MAST2: variants seen among roughly 807,000 people sequenced by gnomAD.
The protein encoded by MAST2 is microtubule-associated serine/threonine-protein kinase 2.
In MAST2, 70 loss-of-function variants were observed where a neutral mutation model predicts 147.4. The observed-to-expected ratio is 0.47, with a 90% CI of 0.39 to 0.58. The LOEUF (loss-of-function observed/expected upper bound fraction) is 0.58, where lower values mean the gene tolerates loss of function less well. Among genes scored for constraint, MAST2 ranks in the 20% least tolerant of loss-of-function variants. The probability of loss-of-function intolerance (pLI) is 0.00; values close to 1 mark genes in which losing one functional copy is unlikely to be tolerated. For synonymous variants in MAST2, 869 were observed against 896.8 expected (o/e 0.97, Z 0.55); for missense variants, 2,080 against 2,302.3 (o/e 0.90, Z 1.98).
At chr1:45,997,839 G>C in intron 6 of MAST2, 40 bp downstream of exon 6, 1 of 1,526,864 alleles carries the variant, frequency 6.5e-7, no homozygotes, top group Non-Finnish European at 9.1e-7. Context: ...CAGCACATGT[G>C]GCACTTGCAT....
intron 10 of MAST2, among the ~76,000 whole-genome samples, chr1:46,015,861 A>G (rs1645915313): frequency 6.6e-6 from 1 of 152,210 alleles, no homozygotes; most frequent in African/African-American, 2.4e-5. Flanking sequence ...AGCCGGGCAG[A>G]GACACAACTA....
chr1:45,880,844 A>G (rs1646812502), intron 3 of MAST2, among the ~76,000 whole-genome samples: 1 of 151,584 alleles, frequency 6.6e-6, no homozygotes, highest in African/African-American at 2.4e-5. Flanking sequence ...TTAGCTGGGC[A>G]TGGTGGTGCA....
intron 3 of MAST2, among the ~76,000 whole-genome samples, chr1:45,832,767 T>C (rs1414202631): frequency 6.6e-6 from 1 of 152,208 alleles, no homozygotes; most frequent in Non-Finnish European, 1.5e-5. Context: ...AATTAAGTTT[T>C]TTTTAAATTA....
At chr1:45,815,279 C>T (rs1244738037) in intron 1 of MAST2, among the ~76,000 whole-genome samples, 2 of 151,324 alleles carry the variant, frequency 1.3e-5, no homozygotes, top group Non-Finnish European at 2.9e-5. Context: ...AAGTGATTCT[C>T]CTGTCTCAGC....
chr1:45,921,099 A>C (rs1443789790), intron 4 of MAST2, among the ~76,000 whole-genome samples: 2 of 152,140 alleles, frequency 1.3e-5, no homozygotes, highest in Non-Finnish European at 2.9e-5. Flanking sequence ...GGGTTCAAGC[A>C]GTTCTCCTGC....
intron 3 of MAST2, among the ~76,000 whole-genome samples, chr1:45,861,881 G>A (rs936875022): frequency 6.6e-6 from 1 of 152,156 alleles, no homozygotes; most frequent in African/African-American, 2.4e-5. Context: ...AAGGGTACCA[G>A]TTGACTTCAA....
chr1:45,928,773 G>A (rs142348467), intron 4 of MAST2, among the ~76,000 whole-genome samples: 2 of 151,802 alleles, frequency 1.3e-5, no homozygotes, highest in East Asian at 1.9e-4. Context: ...TAGAGATAGG[G>A]TCTTGCCGTG....
chr1:45,909,822 T>C (rs1651386223), intron 4 of MAST2, among the ~76,000 whole-genome samples: 1 of 148,926 alleles, frequency 6.7e-6, no homozygotes, highest in Non-Finnish European at 1.5e-5. Flanking sequence ...GGCCCTTTCT[T>C]TTCTTTTTTG....
intron 5 of MAST2, among the ~76,000 whole-genome samples, chr1:45,969,284 G>T (rs1643795073): frequency 6.6e-6 from 1 of 152,148 alleles, no homozygotes; most frequent in Admixed American, 6.6e-5. Flanking sequence ...CTGAGTAAAA[G>T]TAGCTGTGAT....
intron 12 of MAST2, among the ~76,000 whole-genome samples, chr1:46,022,576 C>T (rs916005864): frequency 1.5e-5 from 2 of 134,080 alleles, no homozygotes; most frequent in Non-Finnish European, 3.4e-5. Context: ...CTTCCCAGCC[C>T]CATCCAGTGA....
intron 4 of MAST2, among the ~76,000 whole-genome samples, chr1:45,884,552 AAAAT>A (rs776012286): frequency 2.0e-5 from 3 of 152,110 alleles, no homozygotes; most frequent in Non-Finnish European, 1.5e-5. Context: ...GCGCCGTCAA[AAAAT>A]AAATAAATAA....
At chr1:45,950,554 T>G (rs1658778558) in intron 4 of MAST2, among the ~76,000 whole-genome samples, 1 of 152,214 alleles carries the variant, frequency 6.6e-6, no homozygotes, top group African/African-American at 2.4e-5. Flanking sequence ...GGTTGGAGTT[T>G]ATACTCTTTG....
At chr1:45,985,566 A>G (rs918611863) in intron 5 of MAST2, among the ~76,000 whole-genome samples, 1 of 152,172 alleles carries the variant, frequency 6.6e-6, no homozygotes, top group African/African-American at 2.4e-5. Context: ...TTTTATCTAA[A>G]TGGAGTTATA....
At chr1:45,922,991 C>G (rs1570732851) in intron 4 of MAST2, among the ~76,000 whole-genome samples, 1 of 152,282 alleles carries the variant, frequency 6.6e-6, no homozygotes, top group Non-Finnish European at 1.5e-5. Flanking sequence ...GCTGTACTTG[C>G]TGCTGTGGGG....
At chr1:46,024,067 G>A (rs1252846838) in intron 15 of MAST2, 87 bp downstream of exon 15, 1 of 1,350,444 alleles carries the variant, frequency 7.4e-7, no homozygotes, top group Non-Finnish European at 1.1e-6. Flanking sequence ...TTGTACAGAG[G>A]TGAAGTTTCA....
At chr1:45,855,955 C>T (rs1033225171) in intron 3 of MAST2, among the ~76,000 whole-genome samples, 3 of 152,328 alleles carry the variant, frequency 2.0e-5, no homozygotes, top group Admixed American at 2.0e-4. Flanking sequence ...CTTATCATTA[C>T]AGTTTCAGAT....
intron 8 of MAST2, 132 bp downstream of exon 8, chr1:46,006,527 CTG>C (rs1341201787): frequency 1.2e-5 from 8 of 680,164 alleles, no homozygotes; most frequent in Non-Finnish European, 1.8e-5. Flanking sequence ...CCATATATCT[CTG>C]TCACATTCCT....
At chr1:45,885,316 T>G (rs75839967) in intron 4 of MAST2, among the ~76,000 whole-genome samples, 1 of 152,234 alleles carries the variant, frequency 6.6e-6, no homozygotes. Flanking sequence ...ATATCCTTCA[T>G]GGACATAGAG....
chr1:45,877,247 C>CT (rs1038036308), intron 3 of MAST2, among the ~76,000 whole-genome samples: 1 of 151,992 alleles, frequency 6.6e-6, no homozygotes, highest in Non-Finnish European at 1.5e-5. Context: ...TATGAAGCCT[C>CT]TTTTTTTTCT....
Sources: allele counts gnomAD v4.1 joint callset (sites outside exome capture counted in the v4.1 genomes callset), GRCh38; gene constraint gnomAD v4.1.1; transcripts MANE v1.5; gene names NCBI Gene and HGNC (gene_info 2026-07-23, HGNC 2026-07-21).